Variants in CNTNAP2 observed in about 807,000 individuals in gnomAD.
CNTNAP2 encodes the protein contactin associated protein 2.
CNTNAP2 carries 98 observed loss-of-function variants against 155.2 expected under a neutral mutation model. The observed-to-expected ratio is 0.63, with a 90% CI of 0.54 to 0.75. The LOEUF (loss-of-function observed/expected upper bound fraction) is 0.75. Ranked by LOEUF, CNTNAP2 falls within the 30% of genes least tolerant of loss-of-function variation. CNTNAP2 has a pLI of 0.00. For missense variants in CNTNAP2, 1,727 were observed against 1,688.1 expected (o/e 1.02, Z -0.40); for synonymous variants, 651 against 631.2 (o/e 1.03, Z -0.47).
intron 9 of CNTNAP2, among the ~76,000 whole-genome samples, chr7:147,317,740 T>A (rs1042459272): frequency 1.3e-5 from 2 of 151,906 alleles, no homozygotes; most frequent in Admixed American, 1.3e-4. Context: ...TACCTCACTG[T>A]CGCTTAAACT....
At chr7:146,788,035 A>G (rs1218030657) in intron 2 of CNTNAP2, among the ~76,000 whole-genome samples, 1 of 152,136 alleles carries the variant, frequency 6.6e-6, no homozygotes, top group Non-Finnish European at 1.5e-5. Context: ...CCAGGTCCCC[A>G]CCCTACCGAG....
chr7:146,788,523 G>A (rs1417852851), intron 2 of CNTNAP2, among the ~76,000 whole-genome samples: 1 of 152,174 alleles, frequency 6.6e-6, no homozygotes, highest in Non-Finnish European at 1.5e-5. Context: ...TTGAAGGGCT[G>A]GCAGTCCACA....
chr7:146,532,970 T>C (rs1487566174), intron 1 of CNTNAP2, among the ~76,000 whole-genome samples: 1 of 151,250 alleles, frequency 6.6e-6, no homozygotes, highest in Non-Finnish European at 1.5e-5. Flanking sequence ...AGTATGGTGG[T>C]GTGTGCCTGT....
At chr7:147,998,581 A>G (rs1296387790) in intron 15 of CNTNAP2, among the ~76,000 whole-genome samples, 1 of 152,246 alleles carries the variant, frequency 6.6e-6, no homozygotes, top group African/African-American at 2.4e-5. Context: ...TAAAGGGCAA[A>G]GCAAAGAGAA....
intron 8 of CNTNAP2, among the ~76,000 whole-genome samples, chr7:147,198,232 C>CCTTTT (rs1802844729): frequency 8.8e-6 from 1 of 113,094 alleles, no homozygotes; most frequent in South Asian, 3.1e-4. Flanking sequence ...TTCCAATATC[C>CCTTTT]TTTTTTTTTT....
At chr7:147,595,703 G>A (rs1800814767) in intron 12 of CNTNAP2, among the ~76,000 whole-genome samples, 2 of 152,154 alleles carry the variant, frequency 1.3e-5, no homozygotes, top group South Asian at 4.1e-4. Flanking sequence ...CACTTTACCT[G>A]AACGATTGTT....
intron 13 of CNTNAP2, among the ~76,000 whole-genome samples, chr7:147,829,052 A>G (rs1349382970): frequency 6.6e-6 from 1 of 152,108 alleles, no homozygotes; most frequent in East Asian, 1.9e-4. Context: ...CAAGTTCCCC[A>G]TTTCCCCTAA....
intron 12 of CNTNAP2, among the ~76,000 whole-genome samples, chr7:147,565,431 C>A (rs1029722269): frequency 3.3e-5 from 5 of 152,000 alleles, no homozygotes; most frequent in African/African-American, 1.2e-4. Context: ...AGATTTTAAG[C>A]AGGAAAATAA....
At chr7:146,830,246 C>G (rs558705565) in intron 2 of CNTNAP2, among the ~76,000 whole-genome samples, 1 of 152,088 alleles carries the variant, frequency 6.6e-6, no homozygotes, top group Admixed American at 6.6e-5. Context: ...TTGATCTACA[C>G]GTTTTGACCT....
chr7:147,219,099 G>C (rs1803337838), intron 8 of CNTNAP2, among the ~76,000 whole-genome samples: 1 of 152,186 alleles, frequency 6.6e-6, no homozygotes, highest in Non-Finnish European at 1.5e-5. Context: ...GAAAGGCAAA[G>C]AGAGGGTGAG....
At chr7:148,313,169 C>A (rs895193624) in intron 21 of CNTNAP2, among the ~76,000 whole-genome samples, 1 of 151,354 alleles carries the variant, frequency 6.6e-6, no homozygotes, top group Admixed American at 6.6e-5. Flanking sequence ...GCAAGGGAAA[C>A]AGGCCCTTGA....
intron 1 of CNTNAP2, among the ~76,000 whole-genome samples, chr7:146,725,847 C>T (rs1357799807): frequency 1.3e-5 from 2 of 152,110 alleles, no homozygotes; most frequent in Admixed American, 6.6e-5. Flanking sequence ...TTTCTTCCAC[C>T]AAATTATCCT....
chr7:147,979,382 G>A (rs1801484569), intron 15 of CNTNAP2, among the ~76,000 whole-genome samples: 1 of 152,160 alleles, frequency 6.6e-6, no homozygotes. Context: ...AATATTATAA[G>A]AAATGAAATA....
chr7:147,985,252 A>G (rs890252820), intron 15 of CNTNAP2, among the ~76,000 whole-genome samples: 2 of 151,740 alleles, frequency 1.3e-5, no homozygotes, highest in African/African-American at 4.8e-5. Flanking sequence ...TTTTTCCAGG[A>G]TGGTAAATAA....
intron 1 of CNTNAP2, among the ~76,000 whole-genome samples, chr7:146,374,988 G>A (rs1015845193): frequency 2.0e-5 from 3 of 152,172 alleles, no homozygotes; most frequent in African/African-American, 4.8e-5. Flanking sequence ...ATATTAAAGT[G>A]TGATTCAGAT....
intron 1 of CNTNAP2, among the ~76,000 whole-genome samples, chr7:146,325,116 A>C (rs1369855940): frequency 6.6e-6 from 1 of 151,960 alleles, no homozygotes; most frequent in Non-Finnish European, 1.5e-5. Flanking sequence ...TTTTCTTTAG[A>C]GAGGAAGCCT....
intron 15 of CNTNAP2, among the ~76,000 whole-genome samples, chr7:148,104,969 T>TA (rs899195719): frequency 2.2e-4 from 34 of 151,962 alleles, no homozygotes; most frequent in Non-Finnish European, 3.1e-4. Context: ...TCAAATTTAT[T>TA]AAAAAAAACA....
At chr7:148,018,335 T>G (rs1802216285) in intron 15 of CNTNAP2, among the ~76,000 whole-genome samples, 1 of 152,214 alleles carries the variant, frequency 6.6e-6, no homozygotes, top group African/African-American at 2.4e-5. Flanking sequence ...TTCAGTTTAT[T>G]TATTTATAAT....
chr7:147,015,442 T>G (rs916702179), intron 3 of CNTNAP2, among the ~76,000 whole-genome samples: 2 of 152,092 alleles, frequency 1.3e-5, no homozygotes, highest in African/African-American at 4.8e-5. Context: ...AAAAGTGACT[T>G]CTATTTTTTT....
Sources: gnomAD v4.1 joint callset for allele counts (sites outside exome capture counted in the v4.1 genomes callset) on GRCh38, gnomAD v4.1.1 for gene constraint, MANE v1.5 for transcripts, NCBI Gene and HGNC (gene_info 2026-07-23, HGNC 2026-07-21) for gene names.